Variants in SORCS1 observed in about 807,000 individuals in gnomAD.
SORCS1 encodes VPS10 domain-containing receptor SorCS1.
Under a neutral mutation model 146.1 loss-of-function variants are expected in SORCS1, and 60 were observed. The ratio of observed to expected loss-of-function variants is 0.41; its 90% CI spans 0.33 to 0.51. The LOEUF is 0.51. Among genes scored for constraint, SORCS1 ranks in the 20% least tolerant of loss-of-function variants. The pLI, the probability that SORCS1 is intolerant of heterozygous loss-of-function variation, is 0.21. For synonymous variants in SORCS1, 637 were observed against 584.0 expected (o/e 1.09, Z -1.31); for missense variants, 1,352 against 1,487.6 (o/e 0.91, Z 1.50).
intron 1 of SORCS1, among the ~76,000 whole-genome samples, chr10:107,075,258 T>C (rs1019465621): frequency 6.6e-6 from 1 of 152,134 alleles, no homozygotes; most frequent in Non-Finnish European, 1.5e-5. Flanking sequence ...TAAAAAGTCA[T>C]TTGCTTATTA....
intron 2 of SORCS1, among the ~76,000 whole-genome samples, chr10:106,931,469 G>A (rs1006547130): frequency 2.0e-5 from 3 of 152,166 alleles, no homozygotes; most frequent in Non-Finnish European, 4.4e-5. Context: ...AAAATACTTG[G>A]TAATAAGGAC....
At chr10:107,004,477 T>C (rs1957357395) in intron 1 of SORCS1, among the ~76,000 whole-genome samples, 1 of 151,418 alleles carries the variant, frequency 6.6e-6, no homozygotes, top group African/African-American at 2.4e-5. Flanking sequence ...GCAAGAGAGG[T>C]TGTGCAGGGG....
At chr10:106,620,994 T>C (rs1350492024) in intron 19 of SORCS1, among the ~76,000 whole-genome samples, 1 of 152,184 alleles carries the variant, frequency 6.6e-6, no homozygotes, top group African/African-American at 2.4e-5. Context: ...TCTATGTCAT[T>C]ACCCTTTATT....
intron 1 of SORCS1, among the ~76,000 whole-genome samples, chr10:107,127,555 A>G (rs975543003): frequency 6.6e-6 from 1 of 152,190 alleles, no homozygotes; most frequent in Non-Finnish European, 1.5e-5. Flanking sequence ...GGGAAATGGG[A>G]TCATGTTCCT....
Position 107,164,035 on chromosome 10 carries a change from C to A in SORCS1, c.492G>T (p.Thr164=). Residue 164 remains threonine (T), a synonymous_variant, in exon 1 of 26, where the codon ACG becomes ACT. Coordinates refer to ENST00000263054, the MANE Select transcript of SORCS1 (RefSeq NM_052918.5). This position sits in a 1 kb window ranked among gnomAD's most constrained non-coding sequence, Gnocchi z 6.8. The part of the protein sequence containing the change: ...RMEELRLTST[T]FALTGDSAHN... ...GTGCTGAGTCTCCCGTCAGCGCAAA[C>A]GTGGTGCTGGTCAGTCTCAGCTCCT... The A allele has an allele frequency of 1.2e-6, 2 of 1,614,098 alleles. No homozygotes were observed. Among genetic ancestry groups the A allele is most frequent in the African/African-American group, 1.3e-5 (1 of 75,018 alleles).
chr10:107,106,704 G>A (rs1261930019), intron 1 of SORCS1, among the ~76,000 whole-genome samples: 2 of 152,024 alleles, frequency 1.3e-5, no homozygotes, highest in East Asian at 3.9e-4. Context: ...TATATAGACT[G>A]AATGTTTATG....
chr10:106,688,202 T>A lies in SORCS1; in HGVS notation c.1550A>T (p.His517Leu). 1 of 1,613,638 alleles carries A rather than the reference T, an allele frequency of 6.2e-7. No homozygotes were observed. The highest frequency in any genetic ancestry group is 8.5e-7 in the Non-Finnish European group (1 of 1,179,734). Residue 517 changes from histidine to leucine, a missense_variant, in exon 10 of 26, where the codon CAC becomes CTC. This residue lies in a region of SORCS1 where 648 missense variants were observed against 793.8 expected (regional missense o/e 0.82). Transcript: ENST00000263054. ...AATAGGAAGACTCACCAGCAAGCAG[T>A]GCACGGGGTCCCCCCTTAGATCCGT... is the stretch of plus-strand genomic sequence containing the variant. ...PDTDLRGDPVHCLLPYCSLHL... is the reference protein window; with the variant it reads ...PDTDLRGDPVLCLLPYCSLHL...
intron 17 of SORCS1, among the ~76,000 whole-genome samples, chr10:106,661,792 T>G (rs1850748296): frequency 1.3e-5 from 2 of 152,238 alleles, no homozygotes; most frequent in Admixed American, 1.3e-4. Context: ...TACTCACTTT[T>G]TCACCGAACA....
At chr10:107,058,273 C>T (rs539270191) in intron 1 of SORCS1, among the ~76,000 whole-genome samples, 1 of 152,168 alleles carries the variant, frequency 6.6e-6, no homozygotes, top group African/African-American at 2.4e-5. Flanking sequence ...GATCTCCCGA[C>T]CTCGTGATCC....
intron 2 of SORCS1, among the ~76,000 whole-genome samples, chr10:106,923,666 G>A (rs151144503): frequency 6.6e-6 from 1 of 152,184 alleles, no homozygotes; most frequent in East Asian, 1.9e-4. Flanking sequence ...ATCCTAATAA[G>A]TGTTAGTGGC....
At chr10:106,907,980 A>C (rs1420645089) in intron 2 of SORCS1, among the ~76,000 whole-genome samples, 2 of 152,156 alleles carry the variant, frequency 1.3e-5, no homozygotes, top group Non-Finnish European at 1.5e-5. Context: ...TAATAGCCAC[A>C]GACCATTATC....
At chr10:106,989,258 A>G (rs1956631713) in intron 1 of SORCS1, among the ~76,000 whole-genome samples, 1 of 134,326 alleles carries the variant, frequency 7.4e-6, no homozygotes, top group South Asian at 2.5e-4. Flanking sequence ...TGTCAGTGAA[A>G]GGCTCCACCT....
At chr10:106,934,941 T>C (rs1953633200) in intron 2 of SORCS1, among the ~76,000 whole-genome samples, 1 of 151,926 alleles carries the variant, frequency 6.6e-6, no homozygotes, top group Non-Finnish European at 1.5e-5. Context: ...AAGTGAGGAA[T>C]AAAAAATGAC....
intron 8 of SORCS1, among the ~76,000 whole-genome samples, chr10:106,704,397 C>T (rs935630455): frequency 2.6e-5 from 4 of 152,086 alleles, no homozygotes; most frequent in African/African-American, 9.7e-5. Flanking sequence ...TGTCACTTAA[C>T]GAGTTTATTA....
intron 1 of SORCS1, among the ~76,000 whole-genome samples, chr10:107,137,285 TG>T (rs1967386484): frequency 6.6e-6 from 1 of 152,302 alleles, no homozygotes; most frequent in African/African-American, 2.4e-5. Flanking sequence ...CTGATCCTAC[TG>T]GGTCCCAGTC....
At chr10:106,661,745 A>C (rs1369175389) in intron 17 of SORCS1, among the ~76,000 whole-genome samples, 2 of 152,258 alleles carry the variant, frequency 1.3e-5, no homozygotes, top group Non-Finnish European at 2.9e-5. Context: ...TAAATGGCAG[A>C]GGTTAGATTG....
intron 1 of SORCS1, among the ~76,000 whole-genome samples, chr10:107,117,579 G>C (rs1177968907): frequency 6.6e-6 from 1 of 152,186 alleles, no homozygotes; most frequent in Admixed American, 6.5e-5. Flanking sequence ...CCTAGAAGGT[G>C]AAATATTAGC....
At chr10:106,790,900 A>G (rs1004460784) in intron 3 of SORCS1, among the ~76,000 whole-genome samples, 3 of 152,258 alleles carry the variant, frequency 2.0e-5, no homozygotes, top group Admixed American at 2.0e-4. Context: ...CATATGAACA[A>G]GAAAAAATAT....
At chr10:106,989,392 T>C (rs563751219) in intron 1 of SORCS1, among the ~76,000 whole-genome samples, 1 of 152,020 alleles carries the variant, frequency 6.6e-6, no homozygotes, top group South Asian at 2.1e-4. Flanking sequence ...AGCAGTAAAC[T>C]TGATGTATGG....
Sources: allele counts gnomAD v4.1 joint callset (sites outside exome capture counted in the v4.1 genomes callset), GRCh38; gene constraint gnomAD v4.1.1; regional missense constraint gnomAD v4.1.1; non-coding constraint Gnocchi (gnomAD v3.1); transcripts MANE v1.5; gene names NCBI Gene and HGNC (gene_info 2026-07-23, HGNC 2026-07-21).